CNTNAP2: variants seen among roughly 807,000 people sequenced by gnomAD.
CNTNAP2 encodes contactin-associated protein-like 2.
In CNTNAP2, 98 loss-of-function variants were observed where a neutral mutation model predicts 155.2. The observed-to-expected ratio is 0.63, with a 90% CI of 0.54 to 0.75. The LOEUF (loss-of-function observed/expected upper bound fraction) is 0.75. CNTNAP2 is among the 30% of genes least tolerant of loss of function. The probability of loss-of-function intolerance (pLI) is 0.00; values close to 1 mark genes in which losing one functional copy is unlikely to be tolerated. For missense variants in CNTNAP2, 1,727 were observed against 1,688.1 expected (o/e 1.02, Z -0.40); for synonymous variants, 651 against 631.2 (o/e 1.03, Z -0.47).
chr7:146,887,512 A>G (rs966704087), intron 3 of CNTNAP2, among the ~76,000 whole-genome samples: 1 of 152,150 alleles, frequency 6.6e-6, no homozygotes. Context: ...AATATCCTGC[A>G]GCCTGACCTT....
intron 18 of CNTNAP2, among the ~76,000 whole-genome samples, chr7:148,196,422 G>C (rs958037262): frequency 9.2e-5 from 14 of 152,124 alleles, no homozygotes; most frequent in African/African-American, 2.9e-4. Context: ...CCAGGAACTC[G>C]TCTGATCACT....
chr7:146,893,488 G>GAGAC (rs1462256258), intron 3 of CNTNAP2, among the ~76,000 whole-genome samples: 1 of 13,758 alleles, frequency 7.3e-5, no homozygotes, highest in Non-Finnish European at 1.4e-4. Context: ...TATATATATG[G>GAGAC]AGAGAGAGAG....
intron 20 of CNTNAP2, 97 bp from the exon 21 acceptor site, chr7:148,266,936 C>A: frequency 9.0e-7 from 1 of 1,115,152 alleles, no homozygotes; most frequent in Non-Finnish European, 1.4e-6. Context: ...ATCAGAAAAC[C>A]AGGGTTCAAA....
chr7:146,216,698 T>C (rs1799119489), intron 1 of CNTNAP2, among the ~76,000 whole-genome samples: 1 of 152,160 alleles, frequency 6.6e-6, no homozygotes, highest in African/African-American at 2.4e-5. Context: ...CAAAGCAGAG[T>C]ACAAAGCAAG....
chr7:146,722,503 C>T (rs1479053509), intron 1 of CNTNAP2, among the ~76,000 whole-genome samples: 1 of 152,116 alleles, frequency 6.6e-6, no homozygotes, highest in Non-Finnish European at 1.5e-5. Context: ...TTATATTATC[C>T]TTTCTCAATA....
chr7:148,369,678 TTAC>T (rs1226608489), intron 21 of CNTNAP2, among the ~76,000 whole-genome samples: 2 of 148,354 alleles, frequency 1.3e-5, no homozygotes, highest in Non-Finnish European at 3.0e-5. Context: ...ATTATTATTA[TTAC>T]TATTACTGCT....
intron 3 of CNTNAP2, among the ~76,000 whole-genome samples, chr7:147,009,814 A>C (rs1185629752): frequency 6.6e-6 from 1 of 152,136 alleles, no homozygotes; most frequent in Non-Finnish European, 1.5e-5. Flanking sequence ...TGACTGTCAC[A>C]ATGTTTCAAC....
At chr7:147,165,369 T>C (rs1802096786) in intron 8 of CNTNAP2, among the ~76,000 whole-genome samples, 1 of 152,124 alleles carries the variant, frequency 6.6e-6, no homozygotes, top group Admixed American at 6.6e-5. Flanking sequence ...TCTGGCTAAT[T>C]TGTTTGACTT....
In CNTNAP2 at chr7:148,121,116, C is replaced by A. The variant is rs182073839; in HGVS notation, c.2554+2828C>A. 1.7e-3 allele frequency among the ~76,000 whole-genome samples: 261 copies of A among 152,136 alleles called. 4 individuals are homozygous for A. In the East Asian group the frequency reaches 0.04, roughly 23 times the overall value. On this transcript the variant is annotated intron_variant, in intron 16 of 23. Transcript: ENST00000361727. ...GTGGTGCAATCTCAGCTCACTGCAA[C>A]CTCTGCCTCCCAGGTTCAAGTGATT... is the stretch of plus-strand genomic sequence containing the variant.
intron 8 of CNTNAP2, among the ~76,000 whole-genome samples, chr7:147,142,204 G>C (rs1296724747): frequency 1.3e-5 from 2 of 152,158 alleles, no homozygotes; most frequent in Non-Finnish European, 2.9e-5. Context: ...GTTATTGGCT[G>C]TGGGTTTGTC....
intron 14 of CNTNAP2, among the ~76,000 whole-genome samples, chr7:147,955,420 G>A (rs1362360128): frequency 6.6e-6 from 1 of 152,032 alleles, no homozygotes; most frequent in Admixed American, 6.6e-5. Context: ...AACAAAAAAA[G>A]ATTAATGAGA....
In CNTNAP2 at chr7:148,062,004, TAGATGATAG is replaced by T. The variant is rs1563185602; in HGVS notation, c.2384-56110_2384-56102del. ...ATAGATAGATAGATAGATAGATAGA[TAGATGATAG>T]AGAGAGAGAGAGAGAGTGTGTGTGT... On this transcript the variant is annotated intron_variant, in intron 15 of 23. Transcript: ENST00000361727. Among the ~76,000 whole-genome samples the T allele has an allele frequency of 6.9e-4, 68 of 98,532 alleles. 1 individual carries two copies. Among genetic ancestry groups the T allele is most frequent in the Non-Finnish European group, 9.8e-4 (51 of 52,180 alleles). The allele number at this position is 98,532 out of a possible 152,430, so 64.6% of individuals were successfully genotyped here.
At chr7:146,268,264 C>A (rs1296166829) in intron 1 of CNTNAP2, among the ~76,000 whole-genome samples, 1 of 152,104 alleles carries the variant, frequency 6.6e-6, no homozygotes, top group East Asian at 1.9e-4. Context: ...ATCGTAGTTA[C>A]CTTTGCTCTT....
At chr7:147,249,201 A>C (rs960664246) in intron 8 of CNTNAP2, among the ~76,000 whole-genome samples, 2 of 152,178 alleles carry the variant, frequency 1.3e-5, no homozygotes, top group African/African-American at 4.8e-5. Flanking sequence ...CTTTGAGTCA[A>C]CTTGTTAAAA....
intron 8 of CNTNAP2, among the ~76,000 whole-genome samples, chr7:147,219,516 C>A (rs1051874261): frequency 1.3e-5 from 2 of 152,120 alleles, no homozygotes; most frequent in Non-Finnish European, 2.9e-5. Flanking sequence ...CTAAGCACAC[C>A]TCTTCATTCC....
intron 8 of CNTNAP2, among the ~76,000 whole-genome samples, chr7:147,201,127 T>C (rs1334970589): frequency 6.6e-6 from 1 of 152,172 alleles, no homozygotes; most frequent in African/African-American, 2.4e-5. Context: ...TGGGGCAGTG[T>C]TTTGAGGGTC....
chr7:147,907,806 C>T (rs1563131344), intron 14 of CNTNAP2, among the ~76,000 whole-genome samples: 1 of 151,940 alleles, frequency 6.6e-6, no homozygotes, highest in African/African-American at 2.4e-5. Flanking sequence ...TATTTTGACA[C>T]AGAGTCACTC....
At chr7:146,398,633 G>A (rs963773205) in intron 1 of CNTNAP2, among the ~76,000 whole-genome samples, 2 of 152,172 alleles carry the variant, frequency 1.3e-5, no homozygotes, top group Non-Finnish European at 2.9e-5. Context: ...TCTAGAAGGT[G>A]AGAAGTAGCT....
chr7:148,213,340 C>T (rs4345484), intron 18 of CNTNAP2, among the ~76,000 whole-genome samples: 136,365 of 152,148 alleles, frequency 0.9, 61,861 homozygotes, highest in Non-Finnish European at 0.96. Context: ...GTTCTGGCTT[C>T]GGGATGGAGT....
Sources: allele counts gnomAD v4.1 joint callset (sites outside exome capture counted in the v4.1 genomes callset), GRCh38; gene constraint gnomAD v4.1.1; transcripts MANE v1.5; gene names NCBI Gene and HGNC (gene_info 2026-07-23, HGNC 2026-07-21).